Variants in SNTG1 observed in about 807,000 individuals in gnomAD.
SNTG1 encodes the protein gamma-1-syntrophin.
Under a neutral mutation model 74.7 loss-of-function variants are expected in SNTG1, and 39 were observed. The observed-to-expected ratio is 0.52, with a 90% CI of 0.40 to 0.68. The LOEUF is 0.68. Among genes scored for constraint, SNTG1 ranks in the 30% least tolerant of loss-of-function variants. The probability of loss-of-function intolerance (pLI) is 0.00; values close to 1 mark genes in which losing one functional copy is unlikely to be tolerated. For missense variants in SNTG1, 685 were observed against 609.5 expected (o/e 1.12, Z -1.30); for synonymous variants, 254 against 217.1 (o/e 1.17, Z -1.49).
rs115449114 is a variant in SNTG1, at chr8:50,623,958, A to G, written c.850-32951A>G. Among the ~76,000 whole-genome samples the G allele has an allele frequency of 5.3e-3, 802 of 151,980 alleles. 4 individuals are homozygous for G. The highest frequency in any genetic ancestry group is 0.019 in the African/African-American group (772 of 41,480). ...CATATTCTTTTGAAATATGATTTTC[A>G]GTGGTTATGTTAAGCTATCTGGAAG... On this transcript the variant is annotated intron_variant, in intron 13 of 18. Transcript: ENST00000642720.
intron 9 of SNTG1, among the ~76,000 whole-genome samples, chr8:50,515,425 G>A (rs1208288208): frequency 9.3e-6 from 1 of 107,848 alleles, no homozygotes; most frequent in African/African-American, 3.7e-5. Context: ...TGTTACTCCA[G>A]TGGATCCTGG....
At chr8:50,732,179 A>G (rs957167309) in intron 17 of SNTG1, among the ~76,000 whole-genome samples, 10 of 152,028 alleles carry the variant, frequency 6.6e-5, no homozygotes, top group Admixed American at 3.9e-4. Context: ...AAGTACATCT[A>G]GTTGAAATAG....
At chr8:50,597,831 A>G (rs1373971293) in intron 13 of SNTG1, among the ~76,000 whole-genome samples, 1 of 151,842 alleles carries the variant, frequency 6.6e-6, no homozygotes, top group African/African-American at 2.4e-5. Flanking sequence ...AGCATTTTTA[A>G]ATGTAAATGT....
At chr8:50,399,382 A>C (rs912249382) in intron 3 of SNTG1, among the ~76,000 whole-genome samples, 4 of 152,214 alleles carry the variant, frequency 2.6e-5, no homozygotes, top group Non-Finnish European at 4.4e-5. Flanking sequence ...ATTTAAGTGA[A>C]TGATAGCTTT....
intron 8 of SNTG1, among the ~76,000 whole-genome samples, chr8:50,455,133 T>C (rs2093493160): frequency 6.6e-6 from 1 of 152,166 alleles, no homozygotes; most frequent in Non-Finnish European, 1.5e-5. Flanking sequence ...AAATAAGATT[T>C]AACTATAGCA....
rs555301724 is a variant in SNTG1 at position 50,620,986 on chromosome 8, A to T, written c.849+30069A>T. 2.4e-4 allele frequency among the ~76,000 whole-genome samples: 37 copies of T among 152,302 alleles called. 1 individual carries two copies. The highest frequency in any genetic ancestry group is 1.9e-3 in the Admixed American group (29 of 15,298). ...GCCAGGCCATGCAGAATTTGCCATCAGAGCAAGGGGGTTGGAGGCAATTAA... is the reference window on the plus strand; with the variant it reads ...GCCAGGCCATGCAGAATTTGCCATCTGAGCAAGGGGGTTGGAGGCAATTAA... On this transcript the variant is annotated intron_variant, in intron 13 of 18. Coordinates refer to ENST00000642720, the MANE Select transcript of SNTG1 (RefSeq NM_018967.5).
chr8:50,170,564 C>G (rs958261479), intron 1 of SNTG1, among the ~76,000 whole-genome samples: 1 of 152,102 alleles, frequency 6.6e-6, no homozygotes, highest in Non-Finnish European at 1.5e-5. Flanking sequence ...TATTGGTTAT[C>G]TATTGCTGCA....
intron 2 of SNTG1, among the ~76,000 whole-genome samples, chr8:50,231,986 A>G (rs1443501647): frequency 6.6e-6 from 1 of 151,358 alleles, no homozygotes; most frequent in East Asian, 1.9e-4. Flanking sequence ...AAATATATTC[A>G]ACTATAATTT....
intron 18 of SNTG1, among the ~76,000 whole-genome samples, chr8:50,780,787 T>C (rs1344878335): frequency 1.3e-5 from 2 of 152,334 alleles, no homozygotes; most frequent in African/African-American, 4.8e-5. Flanking sequence ...TTCTTTTAAT[T>C]GTGATGTTAG....
intron 1 of SNTG1, among the ~76,000 whole-genome samples, chr8:50,138,482 AGGCATGGT>A (rs2131448453): frequency 6.6e-6 from 1 of 151,830 alleles, no homozygotes; most frequent in African/African-American, 2.4e-5. Context: ...AAAATTAGCC[AGGCATGGT>A]GGCACACCCC....
chr8:50,106,088 A>G (rs2080359085), intron 1 of SNTG1, among the ~76,000 whole-genome samples: 1 of 152,160 alleles, frequency 6.6e-6, no homozygotes, highest in South Asian at 2.1e-4. Flanking sequence ...GTACACTGCT[A>G]TAAATAACTA....
At chr8:50,037,800 A>G (rs573798555) in intron 1 of SNTG1, among the ~76,000 whole-genome samples, 1 of 152,228 alleles carries the variant, frequency 6.6e-6, no homozygotes, top group Non-Finnish European at 1.5e-5. Flanking sequence ...AGCCAGGGAT[A>G]TGGTAAATAC....
chr8:50,734,590 T>A, intron 17 of SNTG1, among the ~76,000 whole-genome samples: 1 of 150,166 alleles, frequency 6.7e-6, no homozygotes, highest in South Asian at 2.1e-4. Flanking sequence ...GTTTCCAGAA[T>A]CTTTTCTTTC....
At chr8:50,604,007 A>G (rs1299515878) in intron 13 of SNTG1, among the ~76,000 whole-genome samples, 2 of 152,156 alleles carry the variant, frequency 1.3e-5, no homozygotes, top group East Asian at 3.9e-4. Flanking sequence ...CTAGGGCTCT[A>G]CAGTCAGCAA....
At chr8:50,011,444 A>C (rs1163042978) in intron 1 of SNTG1, among the ~76,000 whole-genome samples, 1 of 152,100 alleles carries the variant, frequency 6.6e-6, no homozygotes, top group African/African-American at 2.4e-5. Flanking sequence ...TTTTATCAAG[A>C]TGTGTGACAA....
intron 9 of SNTG1, among the ~76,000 whole-genome samples, chr8:50,509,844 C>T (rs186992522): frequency 6.6e-6 from 1 of 152,260 alleles, no homozygotes; most frequent in African/African-American, 2.4e-5. Context: ...TCTAAATATA[C>T]AATCATGTCA....
chr8:50,587,593 G>A (rs2094659133), intron 12 of SNTG1, among the ~76,000 whole-genome samples: 1 of 152,164 alleles, frequency 6.6e-6, no homozygotes, highest in Non-Finnish European at 1.5e-5. Flanking sequence ...GGGTGGCCGA[G>A]GCGGGCGGAT....
chr8:50,406,241 A>C (rs571748693), intron 4 of SNTG1, among the ~76,000 whole-genome samples: 18 of 152,188 alleles, frequency 1.2e-4, no homozygotes, highest in African/African-American at 4.1e-4. Flanking sequence ...TGTTGTTTTC[A>C]TGTACAAGTC....
intron 1 of SNTG1, among the ~76,000 whole-genome samples, chr8:49,935,316 G>A (rs1221056333): frequency 1.3e-5 from 2 of 149,988 alleles, no homozygotes; most frequent in South Asian, 2.1e-4. Context: ...AACCTACTCC[G>A]ATGAGGACTT....
Sources: gnomAD v4.1 joint callset for allele counts (sites outside exome capture counted in the v4.1 genomes callset) on GRCh38, gnomAD v4.1.1 for gene constraint, MANE v1.5 for transcripts, NCBI Gene and HGNC (gene_info 2026-07-23, HGNC 2026-07-21) for gene names.